The following PTK2 variants were observed in gnomAD, a reference collection of about 807,000 sequenced individuals.
PTK2 encodes the protein focal adhesion kinase 1.
Under a neutral mutation model 150.1 loss-of-function variants are expected in PTK2, and 45 were observed. That is an observed-to-expected ratio of 0.30 (90% confidence interval 0.24 to 0.38). The LOEUF (loss-of-function observed/expected upper bound fraction) is 0.38. PTK2 is among the 10% of genes least tolerant of loss of function. The pLI, the probability that PTK2 is intolerant of heterozygous loss-of-function variation, is 1.00. For missense variants in PTK2, 919 were observed against 1,307.3 expected, an observed-to-expected ratio of 0.70 and a Z score of 4.58; for synonymous variants, 432 against 449.2, an observed-to-expected ratio of 0.96 and a Z score of 0.48.
chr8:140,818,166 C>A, intron 10 of PTK2, 111 bp downstream of exon 10: 1 of 985,726 alleles, frequency 1.0e-6, no homozygotes, highest in East Asian at 2.5e-5. Context: ...AAATGCAGTG[C>A]AATAGGAAAA....
intron 19 of PTK2, among the ~76,000 whole-genome samples, chr8:140,743,880 C>T (rs1298588190): frequency 6.6e-6 from 1 of 151,658 alleles, no homozygotes; most frequent in Non-Finnish European, 1.5e-5. Context: ...TGGGTTCACA[C>T]CATTCTCCTG....
intron 23 of PTK2, among the ~76,000 whole-genome samples, chr8:140,710,107 G>C (rs2100035950): frequency 6.6e-6 from 1 of 152,082 alleles, no homozygotes; most frequent in African/African-American, 2.4e-5. Flanking sequence ...TTGAGCTCAG[G>C]AGTTTGAGAC....
intron 14 of PTK2, chr8:140,764,659 G>T (rs1449141342): frequency 2.1e-5 from 7 of 338,852 alleles, no homozygotes; most frequent in Non-Finnish European, 3.7e-5. Context: ...TGTCTACTGG[G>T]CTTTCTCCAA....
chr8:140,707,887 TC>T (rs926637043), intron 23 of PTK2, among the ~76,000 whole-genome samples: 2 of 152,194 alleles, frequency 1.3e-5, no homozygotes, highest in Admixed American at 1.3e-4. Flanking sequence ...TTTGACTACT[TC>T]CCGGTTGCGT....
chr8:140,671,698 G>C (rs2095462801), intron 29 of PTK2, among the ~76,000 whole-genome samples: 1 of 149,116 alleles, frequency 6.7e-6, no homozygotes, highest in Non-Finnish European at 1.5e-5. Flanking sequence ...CGGATCACAA[G>C]GTCAGGAGAT....
At chr8:140,728,560 C>G (rs975598129) in intron 22 of PTK2, among the ~76,000 whole-genome samples, 1 of 152,162 alleles carries the variant, frequency 6.6e-6, no homozygotes, top group Non-Finnish European at 1.5e-5. Context: ...CTCTTGTTAC[C>G]CAGGCTGGAG....
At chr8:140,796,009 A>G (rs1365073128) in intron 12 of PTK2, among the ~76,000 whole-genome samples, 2 of 152,196 alleles carry the variant, frequency 1.3e-5, no homozygotes, top group Non-Finnish European at 2.9e-5. Flanking sequence ...TCCACAGAGC[A>G]TTTGCCACAT....
chr8:140,850,163 C>A (rs956891407), intron 5 of PTK2, among the ~76,000 whole-genome samples: 3 of 152,150 alleles, frequency 2.0e-5, no homozygotes, highest in Non-Finnish European at 2.9e-5. Flanking sequence ...CAGTGGCTCA[C>A]GCCTGTAATC....
chr8:140,945,032 T>G (rs2100177209), intron 1 of PTK2, among the ~76,000 whole-genome samples: 1 of 152,160 alleles, frequency 6.6e-6, no homozygotes, highest in South Asian at 2.1e-4. Flanking sequence ...TCTCTCCAAT[T>G]TGGCCAAACA....
chr8:140,844,754 G>A (rs140718749), intron 7 of PTK2, among the ~76,000 whole-genome samples: 318 of 152,200 alleles, frequency 2.1e-3, no homozygotes, highest in African/African-American at 7.4e-3. Flanking sequence ...TCTAAGCACA[G>A]GGTACCATAA....
intron 2 of PTK2, among the ~76,000 whole-genome samples, chr8:140,918,769 T>C (rs865868269): frequency 3.3e-5 from 5 of 152,244 alleles, no homozygotes; most frequent in Middle Eastern, 3.2e-3. Flanking sequence ...TTAATGTGAC[T>C]GATAAAATCA....
chr8:140,820,319 T>G (rs1048224127), intron 8 of PTK2, among the ~76,000 whole-genome samples: 1 of 151,580 alleles, frequency 6.6e-6, no homozygotes, highest in African/African-American at 2.4e-5. Flanking sequence ...CAGGCTGGTC[T>G]TGAACTCCTG....
intron 31 of PTK2, 134 bp downstream of exon 35, chr8:140,664,783 G>A: frequency 1.2e-6 from 1 of 855,940 alleles, no homozygotes; most frequent in South Asian, 1.5e-5. Context: ...TAGAGGGAAG[G>A]TCATCGCTTG....
chr8:140,882,685 T>C (rs1002622143), intron 3 of PTK2, among the ~76,000 whole-genome samples: 21 of 152,134 alleles, frequency 1.4e-4, no homozygotes, highest in African/African-American at 4.8e-4. Context: ...GCAAGGTCAT[T>C]TTACTACTGA....
At position 140,987,083 on chromosome 8, in the gene PTK2, T is replaced by A. The variant is rs76460123; in HGVS notation, c.-122+14042A>T. 6.5e-3 allele frequency among the ~76,000 whole-genome samples: 989 copies of A among 152,176 alleles called. 9 individuals are homozygous for A. Among genetic ancestry groups the A allele is most frequent in the Non-Finnish European group, 0.01 (711 of 68,012 alleles). On this transcript the variant is annotated intron_variant, in intron 1 of 31. Transcript: ENST00000522684. ...GTTAAGAAAATGAAAAAGCCAGCCA[T>A]AACCTGGGAGAAAAATATAGTATGT... is the stretch of plus-strand genomic sequence containing the variant.
chr8:140,845,338 A>G (rs2100124735), intron 7 of PTK2, among the ~76,000 whole-genome samples: 1 of 152,018 alleles, frequency 6.6e-6, no homozygotes, highest in Non-Finnish European at 1.5e-5. Context: ...ATGGTATTCT[A>G]TCTACCCCCA....
In PTK2 at chr8:140,985,394, G is replaced by C. The variant is rs115166223; in HGVS notation, c.-122+15731C>G. ...CCCGCCCAGGCCTCCCAAAGTGCTC[G>C]AATTACAGGCATTGAGTCACTGTGC... On this transcript the variant is annotated intron_variant, in intron 1 of 31. Coordinates refer to ENST00000522684, the Ensembl canonical transcript of PTK2. Among the ~76,000 whole-genome samples the C allele has an allele frequency of 1.9e-3, 294 of 152,190 alleles. 2 individuals carry two copies. The highest frequency in any genetic ancestry group is 6.8e-3 in the African/African-American group (284 of 41,508).
intron 2 of PTK2, among the ~76,000 whole-genome samples, chr8:140,903,077 T>C (rs981842722): frequency 6.6e-6 from 1 of 152,046 alleles, no homozygotes; most frequent in African/African-American, 2.4e-5. Context: ...TGAATGGTAT[T>C]GCCTAGGTTT....
intron 1 of PTK2, among the ~76,000 whole-genome samples, chr8:140,943,076 G>A (rs895544344): frequency 4.6e-5 from 7 of 152,088 alleles, no homozygotes; most frequent in African/African-American, 1.2e-4. Context: ...TGTACAGCCC[G>A]CAGAACAGTG....
Sources: gnomAD v4.1 joint callset for allele counts (sites outside exome capture counted in the v4.1 genomes callset) on GRCh38, gnomAD v4.1.1 for gene constraint, MANE v1.5 for transcripts, NCBI Gene and HGNC (gene_info 2026-07-23, HGNC 2026-07-21) for gene names.